Variants in TNIK observed in about 807,000 individuals in gnomAD.
The protein encoded by TNIK is TRAF2 and NCK interacting kinase.
Under a neutral mutation model 191.3 loss-of-function variants are expected in TNIK, and 49 were observed. The observed-to-expected ratio is 0.26, with a 90% CI of 0.20 to 0.32. TNIK has a LOEUF of 0.32. Among genes scored for constraint, TNIK ranks in the 10% least tolerant of loss-of-function variants. The pLI, the probability that TNIK is intolerant of heterozygous loss-of-function variation, is 1.00. For synonymous variants in TNIK, 594 were observed against 600.9 expected (o/e 0.99, Z 0.17); for missense variants, 1,155 against 1,702.3 (o/e 0.68, Z 5.66).
chr3:171,450,573 C>T lies in TNIK; in HGVS notation c.57+9434G>A, dbSNP rs541838806. The stretch of plus-strand genomic sequence containing the variant: ...AGAGGTAAATTGGATCACCAATCAC[C>T]AAGCCCTAGGCAGACAGATAGATAA... On this transcript the variant is annotated intron_variant, in intron 1 of 32. Coordinates refer to ENST00000436636, the MANE Select transcript of TNIK (RefSeq NM_015028.4). Among the ~76,000 whole-genome samples the T allele has an allele frequency of 5.3e-5, 8 of 152,306 alleles. No homozygotes were observed. In the East Asian group the frequency reaches 1.4e-3, roughly 26 times the overall value.
intron 6 of TNIK, 36 bp downstream of exon 6, chr3:171,190,660 TC>T: frequency 6.7e-7 from 1 of 1,489,338 alleles, no homozygotes; most frequent in Non-Finnish European, 9.2e-7. Context: ...TCTCATCACT[TC>T]CTGCAATTCC....
In TNIK at chr3:171,061,618, TAAAAAC is replaced by T. The variant is rs1436383618; in HGVS notation, c.*2257_*2262del. The T allele has an allele frequency of 2.0e-5, 3 of 152,088 alleles. No individual in the cohort carries two copies. The highest frequency in any genetic ancestry group is 2.0e-4 in the Admixed American group (3 of 15,262). 9.4% of individuals were successfully genotyped at this position (152,088 alleles called of 1,614,324 possible). A position where few individuals can be genotyped will look rare whatever the true frequency, so the allele number is the denominator to read the frequency against. On this transcript the variant is annotated 3_prime_UTR_variant, in exon 33 of 33. Coordinates refer to ENST00000436636, the MANE Select transcript of TNIK (RefSeq NM_015028.4). ...TTAGAAATAAAAACAAAACAAAACA[TAAAAAC>T]AAAGATCAGTTTGCAACATAATTTA... is the stretch of plus-strand genomic sequence containing the variant.
At chr3:171,451,123 A>G (rs1728119401) in intron 1 of TNIK, among the ~76,000 whole-genome samples, 1 of 152,220 alleles carries the variant, frequency 6.6e-6, no homozygotes, top group African/African-American at 2.4e-5. Context: ...CGAAATGAAT[A>G]GGGCTGACTT....
At chr3:171,198,257 C>T (rs112633735) in intron 4 of TNIK, among the ~76,000 whole-genome samples, 34,381 of 119,848 alleles carry the variant, frequency 0.29, 4,694 homozygotes, top group East Asian at 0.56. Context: ...AGCCAGACTC[C>T]GTCTCAAAAA....
At chr3:171,077,859 A>T (rs573907434) in intron 28 of TNIK, among the ~76,000 whole-genome samples, 5 of 152,116 alleles carry the variant, frequency 3.3e-5, no homozygotes, top group African/African-American at 1.2e-4. Context: ...GTATGTATGT[A>T]TGTATATGTG....
At chr3:171,338,484 CTTT>C (rs1055132032) in intron 2 of TNIK, among the ~76,000 whole-genome samples, 3 of 151,926 alleles carry the variant, frequency 2.0e-5, no homozygotes, top group East Asian at 1.9e-4. Flanking sequence ...GTGCTTAACT[CTTT>C]TTTATTATTT....
intron 2 of TNIK, among the ~76,000 whole-genome samples, chr3:171,322,581 T>TGATCATA (rs1413063678): frequency 5.9e-5 from 9 of 152,180 alleles, no homozygotes; most frequent in African/African-American, 2.2e-4. Flanking sequence ...TCATTCCAAA[T>TGATCATA]TGCTATGAAA....
intron 4 of TNIK, among the ~76,000 whole-genome samples, chr3:171,206,433 A>G (rs1380331580): frequency 6.6e-6 from 1 of 151,574 alleles, no homozygotes; most frequent in Non-Finnish European, 1.5e-5. Context: ...AACAACAGCC[A>G]TCTCCATGAG....
At chr3:171,428,544 T>A (rs775510686) in intron 1 of TNIK, among the ~76,000 whole-genome samples, 1 of 152,194 alleles carries the variant, frequency 6.6e-6, no homozygotes, top group Non-Finnish European at 1.5e-5. Flanking sequence ...TCTCTCTTAA[T>A]GCTCGACACT....
chr3:171,159,735 C>T lies in TNIK; in HGVS notation c.1016+1535G>A, dbSNP rs1358059029. Among the ~76,000 whole-genome samples, 1 of 152,230 alleles carries T rather than the reference C, an allele frequency of 6.6e-6. No homozygotes were observed. The highest frequency in any genetic ancestry group is 1.9e-4 in the East Asian group (1 of 5,194). Reference sequence around the variant, plus strand: ...GGGTGCAACCCTTAGGCTGTCGCCTCATTTCTAAAATGAGATAACCATTGT... The same window carrying T: ...GGGTGCAACCCTTAGGCTGTCGCCTTATTTCTAAAATGAGATAACCATTGT... On this transcript the variant is annotated intron_variant, in intron 11 of 32. Coordinates refer to ENST00000436636, the MANE Select transcript of TNIK (RefSeq NM_015028.4). The surrounding 1 kb of genome is among the most constrained non-coding windows in gnomAD (Gnocchi z 4.1).
intron 1 of TNIK, among the ~76,000 whole-genome samples, chr3:171,394,299 A>T (rs546735959): frequency 6.6e-6 from 1 of 152,338 alleles, no homozygotes; most frequent in East Asian, 1.9e-4. Context: ...TTTCCTCAAT[A>T]TACCAATTTC....
chr3:171,116,276 A>C (rs1246038256), intron 18 of TNIK, among the ~76,000 whole-genome samples: 1 of 152,214 alleles, frequency 6.6e-6, no homozygotes, highest in Non-Finnish European at 1.5e-5. Context: ...ATTTCAGAAG[A>C]ATCCCATGAA....
chr3:171,087,466 T>C lies in TNIK; in HGVS notation c.2762A>G (p.Asn921Ser), dbSNP rs777027009. Residue 921 changes from asparagine (N) to serine (S), a missense_variant, in exon 24 of 33, where the codon AAT becomes AGT. Physicochemically the swap from Asn to Ser is conservative, Grantham distance 46. This residue lies in a region of TNIK where 735 missense variants were observed against 848.0 expected (regional missense o/e 0.87). Transcript: ENST00000436636. The stretch of plus-strand genomic sequence containing the variant: ...GAGGTTGATGTGGCCAGCAAAGCCA[T>C]TGCTGTCACTGTGGCCAGATCGCTT... The part of the protein sequence containing the change: ...EKKRSGHSDS[N>S]GFAGHINLPD... 28 of 1,613,760 alleles carry C rather than the reference T, an allele frequency of 1.7e-5. No individual in the cohort carries two copies. The highest frequency in any genetic ancestry group is 2.4e-5 in the Non-Finnish European group (28 of 1,179,870).
At chr3:171,119,141 A>G (rs1466925586) in intron 18 of TNIK, among the ~76,000 whole-genome samples, 2 of 152,276 alleles carry the variant, frequency 1.3e-5, no homozygotes, top group African/African-American at 4.8e-5. Flanking sequence ...GGATATGAAC[A>G]GACACTTCTC....
In TNIK at chr3:171,138,369, C is replaced by T. The variant is rs771349515; in HGVS notation, c.1430G>A (p.Arg477His). 15 of 1,597,048 alleles carry T rather than the reference C, an allele frequency of 9.4e-6. No individual in the cohort carries two copies. The highest frequency in any genetic ancestry group is 3.5e-5 in the Admixed American group (2 of 56,766). The change falls in exon 15 of 33, where the codon CGC becomes CAC. Residue 477 changes from arginine (R) to histidine (H), a missense_variant. Physicochemically the swap from Arg to His is conservative, Grantham distance 29 (BLOSUM62 0). Coordinates refer to ENST00000436636, the MANE Select transcript of TNIK (RefSeq NM_015028.4). ...HEQALLLEYK[R>H]KQLEEQRQAE... ...TTGTCTCTGTTCTTCCAATTGTTTG[C>T]GCTTATATTCCTGTCCAGATCAGGA...
At chr3:171,163,777 A>G (rs1734287423) in intron 10 of TNIK, among the ~76,000 whole-genome samples, 1 of 152,226 alleles carries the variant, frequency 6.6e-6, no homozygotes, top group South Asian at 2.1e-4. Flanking sequence ...TAAATCCTTC[A>G]TTTGTCAGGC....
In TNIK at chr3:171,139,638, C is replaced by T. The variant is rs150190057; in HGVS notation, c.1333-82G>A. The T allele has an allele frequency of 2.4e-4, 331 of 1,375,876 alleles. 1 individual carries two copies. In the African/African-American group the frequency reaches 3.7e-3, roughly 16 times the overall value. The allele number at this position is 1,375,876 out of a possible 1,614,324, so 85.2% of individuals were successfully genotyped here. ...CAGTAATTTCAAAGGCGACAAGAGC[C>T]GCTAAGTAAAGTGTAGAAGGAAGGA... On this transcript the variant is annotated intron_variant, in intron 13 of 32. Coordinates refer to ENST00000436636, the MANE Select transcript of TNIK (RefSeq NM_015028.4).
At chr3:171,293,410 C>T (rs956933652) in intron 2 of TNIK, among the ~76,000 whole-genome samples, 2 of 152,224 alleles carry the variant, frequency 1.3e-5, no homozygotes, top group Admixed American at 1.3e-4. Flanking sequence ...ATGTGCACCA[C>T]TGGTAAACCA....
chr3:171,335,970 A>G (rs1756914452), intron 2 of TNIK, among the ~76,000 whole-genome samples: 1 of 152,176 alleles, frequency 6.6e-6, no homozygotes, highest in Admixed American at 6.5e-5. Context: ...TTAGTCATAC[A>G]GTGCGTAGTG....
Sources: gnomAD v4.1 joint callset for allele counts (sites outside exome capture counted in the v4.1 genomes callset) on GRCh38, gnomAD v4.1.1 for gene constraint, gnomAD v4.1.1 regional missense constraint, Gnocchi (gnomAD v3.1) non-coding constraint, MANE v1.5 for transcripts, NCBI Gene and HGNC (gene_info 2026-07-23, HGNC 2026-07-21) for gene names.